ARMC8: variants seen among roughly 807,000 people sequenced by gnomAD.
The protein encoded by ARMC8 is armadillo repeat-containing protein 8.
In ARMC8, 20 loss-of-function variants were observed where a neutral mutation model predicts 99.3. The observed-to-expected ratio is 0.20, with a 90% CI of 0.14 to 0.29. The LOEUF (loss-of-function observed/expected upper bound fraction) is 0.29, where lower values mean the gene tolerates loss of function less well. Among genes scored for constraint, ARMC8 ranks in the 10% least tolerant of loss-of-function variants. ARMC8 has a pLI of 1.00. For synonymous variants in ARMC8, 263 were observed against 278.3 expected (o/e 0.95, Z 0.55); for missense variants, 569 against 809.5 (o/e 0.70, Z 3.60).
At chr3:138,276,965 GT>G (rs1243335780) in intron 18 of ARMC8, among the ~76,000 whole-genome samples, 1 of 152,134 alleles carries the variant, frequency 6.6e-6, no homozygotes, top group Non-Finnish European at 1.5e-5. Flanking sequence ...AGCCAAAACA[GT>G]TTGGAAGAAA....
chr3:138,275,805 G>A (rs534132825), intron 18 of ARMC8, among the ~76,000 whole-genome samples: 1 of 152,208 alleles, frequency 6.6e-6, no homozygotes, highest in African/African-American at 2.4e-5. Context: ...TTGATAAAGT[G>A]ATTTTAAGAC....
rs2108026292 is a variant in ARMC8, at chr3:138,209,802, C to G, written c.46-15C>G. Reference sequence around the variant, plus strand: ...CATGGCTTCAGATGTCATAATTTTTCCCCCCACTTTCTAGGAAGTAACAGC... The same window carrying G: ...CATGGCTTCAGATGTCATAATTTTTGCCCCCACTTTCTAGGAAGTAACAGC... On this transcript the variant is annotated splice_polypyrimidine_tract_variant and intron_variant, in intron 1 of 21. Coordinates refer to ENST00000469044, the MANE Select transcript of ARMC8 (RefSeq NM_001363941.2). The G allele has an allele frequency of 6.2e-7, 1 of 1,610,398 alleles. No homozygotes were observed.
chr3:138,264,752 T>TA (rs2048111565), intron 14 of ARMC8, among the ~76,000 whole-genome samples: 1 of 148,732 alleles, frequency 6.7e-6, no homozygotes, highest in African/African-American at 2.4e-5. Flanking sequence ...AAGCTTTAGT[T>TA]ACTCATCTGA....
Position 138,276,711 on chromosome 3 carries a change from C to G in ARMC8, c.1725+2167C>G, listed in dbSNP as rs530387799. Among the ~76,000 whole-genome samples the G allele has an allele frequency of 1.2e-4, 18 of 152,268 alleles. No homozygotes were observed. In the South Asian group the frequency reaches 3.7e-3, roughly 32 times the overall value. ...AATGAAATTCTATGTATAAATCTCA[C>G]AAGGATCTGTATACTGAAAACTATA... On this transcript the variant is annotated intron_variant, in intron 18 of 21. Coordinates refer to ENST00000469044, the MANE Select transcript of ARMC8 (RefSeq NM_001363941.2).
At chr3:138,234,996 C>G in intron 6 of ARMC8, 38 bp from the exon 7 acceptor site, 1 of 1,520,968 alleles carries the variant, frequency 6.6e-7, no homozygotes, top group African/African-American at 1.4e-5. Flanking sequence ...TGAGTCATTA[C>G]TCTTCTAAAT....
At chr3:138,201,309 T>C (rs962213951) in intron 1 of ARMC8, among the ~76,000 whole-genome samples, 5 of 151,986 alleles carry the variant, frequency 3.3e-5, no homozygotes, top group Non-Finnish European at 7.4e-5. Context: ...AGCATTGTTT[T>C]GTGTTCTCAA....
At chr3:138,286,046 C>G (rs1049975364) in intron 19 of ARMC8, among the ~76,000 whole-genome samples, 2 of 152,150 alleles carry the variant, frequency 1.3e-5, no homozygotes, top group Non-Finnish European at 2.9e-5. Context: ...TAGGTTCAAG[C>G]GATTCTCCTG....
At chr3:138,257,216 T>G (rs2047452589) in intron 12 of ARMC8, among the ~76,000 whole-genome samples, 1 of 152,236 alleles carries the variant, frequency 6.6e-6, no homozygotes, top group Non-Finnish European at 1.5e-5. Flanking sequence ...TGCCCTTACT[T>G]GATTCGTGGA....
At chr3:138,257,138 T>A (rs1385810986) in intron 12 of ARMC8, among the ~76,000 whole-genome samples, 2 of 152,254 alleles carry the variant, frequency 1.3e-5, no homozygotes, top group African/African-American at 4.8e-5. Flanking sequence ...TTAAGTCCAC[T>A]GCATTAAGAG....
intron 1 of ARMC8, among the ~76,000 whole-genome samples, chr3:138,206,584 T>C (rs2044385547): frequency 6.6e-6 from 1 of 152,234 alleles, no homozygotes; most frequent in Non-Finnish European, 1.5e-5. Flanking sequence ...AGGACTTCGC[T>C]CAAATGTCAC....
intron 1 of ARMC8, among the ~76,000 whole-genome samples, chr3:138,189,804 A>G (rs1304551689): frequency 6.6e-6 from 1 of 152,190 alleles, no homozygotes; most frequent in East Asian, 1.9e-4. Context: ...TTCTACATCT[A>G]GTCTTACATC....
intron 1 of ARMC8, among the ~76,000 whole-genome samples, chr3:138,191,474 A>G (rs887228178): frequency 5.9e-5 from 9 of 152,256 alleles, no homozygotes; most frequent in Non-Finnish European, 7.3e-5. Flanking sequence ...TACATCTTAT[A>G]TAGTTACATT....
chr3:138,256,797 A>G (rs1365703393), intron 12 of ARMC8, among the ~76,000 whole-genome samples: 1 of 152,170 alleles, frequency 6.6e-6, no homozygotes. Flanking sequence ...ATATCAATAT[A>G]TAGTCTGTGG....
At chr3:138,240,112 A>G (rs769792837) in intron 10 of ARMC8, among the ~76,000 whole-genome samples, 13 of 152,266 alleles carry the variant, frequency 8.5e-5, no homozygotes, top group Admixed American at 2.6e-4. Context: ...TATTCTTTTG[A>G]TGCCTCGGAC....
chr3:138,237,430 CT>C, intron 8 of ARMC8, 46 bp downstream of exon 8: 1 of 1,610,216 alleles, frequency 6.2e-7, no homozygotes, highest in Non-Finnish European at 8.5e-7. Flanking sequence ...AATTGATGAA[CT>C]TTTTAGATTT....
At chr3:138,220,685 T>C (rs1256460887) in intron 2 of ARMC8, among the ~76,000 whole-genome samples, 1 of 151,024 alleles carries the variant, frequency 6.6e-6, no homozygotes, top group South Asian at 2.1e-4. Context: ...ATTTGTTGAT[T>C]TTTTTTTCTT....
At chr3:138,209,644 A>G (rs1437956940) in intron 1 of ARMC8, among the ~76,000 whole-genome samples, 173 bp from the exon 2 acceptor site, 5 of 152,188 alleles carry the variant, frequency 3.3e-5, no homozygotes, top group African/African-American at 1.2e-4. Context: ...TGAGAGAGAA[A>G]AGTCACCTGC....
intron 16 of ARMC8, among the ~76,000 whole-genome samples, chr3:138,271,090 T>G (rs1311991883): frequency 2.6e-5 from 4 of 152,166 alleles, no homozygotes; most frequent in Non-Finnish European, 5.9e-5. Context: ...AAGCCTGTAT[T>G]CTCCCTGTTC....
intron 12 of ARMC8, among the ~76,000 whole-genome samples, chr3:138,253,953 C>T (rs1025999949): frequency 1.3e-5 from 2 of 152,112 alleles, no homozygotes; most frequent in African/African-American, 4.8e-5. Flanking sequence ...TGGAAAAGTC[C>T]CTCTCTTATA....
Sources: gnomAD v4.1 joint callset for allele counts (sites outside exome capture counted in the v4.1 genomes callset) on GRCh38, gnomAD v4.1.1 for gene constraint, MANE v1.5 for transcripts, NCBI Gene and HGNC (gene_info 2026-07-23, HGNC 2026-07-21) for gene names.